CPM: variants seen among roughly 807,000 people sequenced by gnomAD.
CPM encodes the protein renal carboxypeptidase.
Under a neutral mutation model 46.4 loss-of-function variants are expected in CPM, and 35 were observed. That is an observed-to-expected ratio of 0.75 (90% CI 0.58 to 1.00). The LOEUF (loss-of-function observed/expected upper bound fraction) is 1.00, where lower values mean the gene tolerates loss of function less well. Among genes scored for constraint, CPM ranks in the 50% least tolerant of loss-of-function variants. The pLI is 0.00. For missense variants in CPM, 422 were observed against 530.4 expected (o/e 0.80, Z 2.01); for synonymous variants, 195 against 195.3 (o/e 1.00, Z 0.01).
chr12:68,951,112 T>C (rs1888928293), intron 1 of CPM, among the ~76,000 whole-genome samples: 1 of 152,248 alleles, frequency 6.6e-6, no homozygotes, highest in South Asian at 2.1e-4. Flanking sequence ...ACAGCCTGGC[T>C]GTACCACTTA....
At chr12:68,952,614 A>G (rs1300616818) in intron 1 of CPM, among the ~76,000 whole-genome samples, 2 of 152,104 alleles carry the variant, frequency 1.3e-5, no homozygotes, top group Non-Finnish European at 2.9e-5. Context: ...CCCTCCCCTC[A>G]TCCCAGCACC....
intron 2 of CPM, among the ~76,000 whole-genome samples, chr12:68,931,652 G>C (rs1209701334): frequency 2.0e-5 from 3 of 149,448 alleles, no homozygotes; most frequent in Non-Finnish European, 4.4e-5. Context: ...GACTGAGGCA[G>C]GAGAATTGCT....
At chr12:68,867,137 G>T in intron 6 of CPM, 89 bp from the exon 7 acceptor site, 1 of 1,277,142 alleles carries the variant, frequency 7.8e-7, no homozygotes, top group Non-Finnish European at 1.1e-6. Flanking sequence ...GAATCAGACA[G>T]CTACATGTAA....
intron 3 of CPM, 143 bp downstream of exon 3, chr12:68,885,649 G>A: frequency 1.5e-6 from 1 of 656,492 alleles, no homozygotes; most frequent in Non-Finnish European, 2.6e-6. Context: ...GGCCTCACAG[G>A]AAGACCTCTC....
chr12:68,896,282 C>A (rs1424916256), intron 2 of CPM, among the ~76,000 whole-genome samples: 2 of 152,156 alleles, frequency 1.3e-5, no homozygotes, highest in Admixed American at 6.5e-5. Flanking sequence ...CAGCCCCATC[C>A]CCTACCACCC....
chr12:68,931,139 T>C (rs1401015611), intron 2 of CPM, among the ~76,000 whole-genome samples: 1 of 152,174 alleles, frequency 6.6e-6, no homozygotes, highest in East Asian at 1.9e-4. Flanking sequence ...CAATGCTGTT[T>C]AAAAACAAAG....
downstream of CPM, chr12:68,846,834 CA>C (rs1884327916): frequency 6.6e-6 from 1 of 151,976 alleles, no homozygotes; most frequent in Non-Finnish European, 1.5e-5. Context: ...ACCTTAGAGA[CA>C]ATAAATCTAT....
intron 1 of CPM, among the ~76,000 whole-genome samples, chr12:68,950,780 C>G (rs775171810): frequency 4.6e-5 from 7 of 152,188 alleles, no homozygotes; most frequent in African/African-American, 7.2e-5. Flanking sequence ...GTGATCCTCA[C>G]GTGGAAGTGG....
intron 2 of CPM, among the ~76,000 whole-genome samples, chr12:68,908,826 G>A (rs1412526282): frequency 6.6e-6 from 1 of 152,094 alleles, no homozygotes; most frequent in Non-Finnish European, 1.5e-5. Context: ...ACTGAAAATG[G>A]AGCTCAAAAG....
intron 2 of CPM, among the ~76,000 whole-genome samples, chr12:68,908,549 T>C (rs964378423): frequency 6.6e-6 from 1 of 152,134 alleles, no homozygotes; most frequent in Non-Finnish European, 1.5e-5. Context: ...ATACATACTT[T>C]TTAAAAATTT....
chr12:68,871,650 G>T, intron 4 of CPM, 134 bp downstream of exon 4: 3 of 956,086 alleles, frequency 3.1e-6, no homozygotes, highest in Non-Finnish European at 4.8e-6. Flanking sequence ...TTGAGCTTTG[G>T]CACATCAGCG....
intron 5 of CPM, chr12:68,842,628 G>C: frequency 3.5e-6 from 1 of 284,748 alleles, no homozygotes; most frequent in South Asian, 4.7e-5. Context: ...AAATAGTTAC[G>C]CTATTTGGTT....
At position 68,856,474 on chromosome 12, in the gene CPM, A is replaced by T; in HGVS notation, c.1295T>A (p.Leu432Ter). 6.2e-7 allele frequency: 1 copy of T among 1,614,142 alleles called. No homozygotes were observed. The change falls in exon 9 of 9, where the codon TTA becomes TAA. Residue 432 changes from leucine to a stop codon, truncating the protein, a stop_gained. Coordinates refer to ENST00000551568, the MANE Select transcript of CPM (RefSeq NM_198320.5). LOFTEE classifies it high-confidence loss of function. ...TATGTGCAAAAGACTCACTAAAAAT[A>T]AGAACAAACTAGGCTTTGTTGCAGC... is the stretch of plus-strand genomic sequence containing the variant. ...HSAATKPSLF[L>*]FLVSLLHIFF... is the part of the protein sequence containing the mutation.
At chr12:68,913,857 G>A (rs761502096) in intron 2 of CPM, 17 of 659,088 alleles carry the variant, frequency 2.6e-5, no homozygotes, top group East Asian at 1.5e-4. Flanking sequence ...ATGAGGATGC[G>A]GGGAATTACA....
chr12:68,940,685 A>G (rs1888746665), intron 1 of CPM, among the ~76,000 whole-genome samples: 2 of 151,608 alleles, frequency 1.3e-5, no homozygotes, highest in South Asian at 2.1e-4. Context: ...CCACCATCCA[A>G]ATGAGAAGGG....
At chr12:68,843,237 C>T (rs1324572402) in intron 5 of CPM, 1 of 225,044 alleles carries the variant, frequency 4.4e-6, no homozygotes, top group Non-Finnish European at 8.8e-6. Context: ...ATTATGAACT[C>T]CAAATAATGC....
chr12:68,913,754 C>G (rs1887694097), intron 2 of CPM: 1 of 473,928 alleles, frequency 2.1e-6, no homozygotes, highest in African/African-American at 2.0e-5. Flanking sequence ...GGTAGTGGAA[C>G]CTTTATTCCT....
chr12:68,924,786 A>G (rs1322407595), intron 2 of CPM, among the ~76,000 whole-genome samples: 2 of 152,200 alleles, frequency 1.3e-5, no homozygotes, highest in East Asian at 1.9e-4. Context: ...GTGACGGATG[A>G]CCAAGTGTTG....
chr12:68,894,103 C>G (rs1188634574), intron 2 of CPM, among the ~76,000 whole-genome samples: 2 of 152,188 alleles, frequency 1.3e-5, no homozygotes, highest in Non-Finnish European at 2.9e-5. Context: ...GCACCACCAC[C>G]ACCACTGCCA....
Sources: allele counts gnomAD v4.1 joint callset (sites outside exome capture counted in the v4.1 genomes callset), GRCh38; gene constraint gnomAD v4.1.1; transcripts MANE v1.5; gene names NCBI Gene and HGNC (gene_info 2026-07-23, HGNC 2026-07-21).